The following PCDHGB6 variants were observed in gnomAD, a reference collection of about 807,000 sequenced individuals.
The protein encoded by PCDHGB6 is protocadherin gamma-B6.
Under a neutral mutation model 59.1 loss-of-function variants are expected in PCDHGB6, and 51 were observed. That is an observed-to-expected ratio of 0.86 (90% CI 0.69 to 1.09). The LOEUF (loss-of-function observed/expected upper bound fraction) is 1.09, where lower values mean the gene tolerates loss of function less well. Ranked by LOEUF, PCDHGB6 falls within the 50% of genes least tolerant of loss-of-function variation. The probability of loss-of-function intolerance (pLI) is 0.00; values close to 1 mark genes in which losing one functional copy is unlikely to be tolerated. For missense variants in PCDHGB6, 1,148 were observed against 1,205.1 expected (o/e 0.95, Z 0.70); for synonymous variants, 466 against 495.1 (o/e 0.94, Z 0.78).
Position 141,437,485 on chromosome 5 carries a change from C to T in PCDHGB6, c.2418+26865C>T, listed in dbSNP as rs372023505. The stretch of plus-strand genomic sequence containing the variant: ...TATACTTTTATAGCATATTTAATCT[C>T]GTAGATCACTTTTCAATGAATTATA... On this transcript the variant is annotated intron_variant, in intron 1 of 3. Transcript: ENST00000520790. Among the ~76,000 whole-genome samples, 16 of 152,188 alleles carry T rather than the reference C, an allele frequency of 1.1e-4. No individual in the cohort carries two copies. In the East Asian group the frequency reaches 2.9e-3, roughly 28 times the overall value.
At chr5:141,472,411 C>T (rs747412647) in intron 1 of PCDHGB6, among the ~76,000 whole-genome samples, 9 of 151,918 alleles carry the variant, frequency 5.9e-5, no homozygotes, top group Admixed American at 3.3e-4. Flanking sequence ...CGTGGTGGCA[C>T]GCACCTGTAT....
Position 141,491,622 on chromosome 5 carries a change from C to T in PCDHGB6, c.2419-3185C>T, listed in dbSNP as rs980546113. 15 of 1,613,786 alleles carry T rather than the reference C, an allele frequency of 9.3e-6. No individual in the cohort carries two copies. Among genetic ancestry groups the T allele is most frequent in the Non-Finnish European group, 1.3e-5 (15 of 1,180,002 alleles). Reference sequence around the variant, plus strand: ...ACTTCACTTTTCTAAGACCCCTCAGCGTTCAGCAGCCCACAGCTCTGGCGC... The same window carrying T: ...ACTTCACTTTTCTAAGACCCCTCAGTGTTCAGCAGCCCACAGCTCTGGCGC... On this transcript the variant is annotated intron_variant, in intron 1 of 3. Transcript: ENST00000520790. This position sits in a 1 kb window ranked among gnomAD's most constrained non-coding sequence, Gnocchi z 6.9.
At chr5:141,418,435 A>G (rs1237542659) in intron 1 of PCDHGB6, 1 of 1,614,038 alleles carries the variant, frequency 6.2e-7, no homozygotes, top group South Asian at 1.1e-5. Context: ...GCAAATATCC[A>G]GAATTAGTAT....
At chr5:141,480,982 C>T (rs1258067957) in intron 1 of PCDHGB6, among the ~76,000 whole-genome samples, 1 of 152,150 alleles carries the variant, frequency 6.6e-6, no homozygotes, top group African/African-American at 2.4e-5. Context: ...TCAGTGAACC[C>T]AGGATGTGGA....
chr5:141,471,036 C>A (rs1437409726), intron 1 of PCDHGB6, among the ~76,000 whole-genome samples: 1 of 144,908 alleles, frequency 6.9e-6, no homozygotes, highest in Admixed American at 7.0e-5. Context: ...TATTAACAAG[C>A]CCAAGCCCTC....
Position 141,433,407 on chromosome 5 carries a change from T to C in PCDHGB6, c.2418+22787T>C, listed in dbSNP as rs939103465. Among the ~76,000 whole-genome samples, 537 of 125,956 alleles carry C rather than the reference T, an allele frequency of 4.3e-3. 4 individuals carry two copies. Among genetic ancestry groups the C allele is most frequent in the African/African-American group, 0.016 (523 of 33,156 alleles). The allele number at this position is 125,956 out of a possible 152,430, so 82.6% of individuals were successfully genotyped here. On this transcript the variant is annotated intron_variant, in intron 1 of 3. Coordinates refer to ENST00000520790, the MANE Select transcript of PCDHGB6 (RefSeq NM_018926.3). ...TCTATCTATCTATCTATCTATCTATTACTTTCTTGTACAGACAGGAGTCTC... is the reference window on the plus strand; with the variant it reads ...TCTATCTATCTATCTATCTATCTATCACTTTCTTGTACAGACAGGAGTCTC...
At position 141,408,712 on chromosome 5, in the gene PCDHGB6, T is replaced by G; in HGVS notation, c.510T>G (p.Tyr170Ter). The G allele has an allele frequency of 6.2e-7, 1 of 1,612,332 alleles. No individual in the cohort carries two copies. Among genetic ancestry groups the G allele is most frequent in the Non-Finnish European group, 8.5e-7 (1 of 1,178,930 alleles). The change falls in exon 1 of 4, where the codon TAT (tyrosine) becomes TAG (stop). Residue 170 changes from tyrosine (Y) to a stop codon, truncating the protein, a stop_gained. Coordinates refer to ENST00000520790, the MANE Select transcript of PCDHGB6 (RefSeq NM_018926.3). LOFTEE classifies it high-confidence loss of function. ...TAAACATAAACTCAATTAAAGATTA[T>G]AAGATAAACTCTAATCCTTATTTTT... is the stretch of plus-strand genomic sequence containing the variant. ...PDININSIKD[Y>*]KINSNPYFSL...
chr5:141,461,196 T>C (rs1398352067), intron 1 of PCDHGB6, among the ~76,000 whole-genome samples: 3 of 152,128 alleles, frequency 2.0e-5, no homozygotes. Context: ...TGTTTTTTGC[T>C]CTTTAGAGAA....
intron 1 of PCDHGB6, chr5:141,427,739 C>G: frequency 2.4e-6 from 3 of 1,232,634 alleles, no homozygotes; most frequent in Non-Finnish European, 3.5e-6. Context: ...ATGGCCAAGT[C>G]TCCTACTCCA....
At chr5:141,414,498 C>T (rs2095755127) in intron 1 of PCDHGB6, 1 of 1,613,848 alleles carries the variant, frequency 6.2e-7, no homozygotes, top group African/African-American at 1.3e-5. Flanking sequence ...CGGAAGCTCA[C>T]TTTATGCTAC....
Position 141,436,164 on chromosome 5 carries a change from A to G in PCDHGB6, c.2418+25544A>G, listed in dbSNP as rs896845015. Among the ~76,000 whole-genome samples, 8 of 152,188 alleles carry G rather than the reference A, an allele frequency of 5.3e-5. No homozygotes were observed. The East Asian group carries it at 1.3e-3, about 26-fold the overall frequency. ...AACTACCAAAATGTTTATCATATGG[A>G]CAGTTCTCATATATAGTCAAATAGA... On this transcript the variant is annotated intron_variant, in intron 1 of 3. Transcript: ENST00000520790.
At chr5:141,492,952 C>T (rs1428667098) in intron 1 of PCDHGB6, among the ~76,000 whole-genome samples, 1 of 152,242 alleles carries the variant, frequency 6.6e-6, no homozygotes, top group Non-Finnish European at 1.5e-5. Context: ...GGTGACCAAA[C>T]TATCTGACAC....
chr5:141,430,975 G>A (rs776670383), intron 1 of PCDHGB6: 2 of 1,613,208 alleles, frequency 1.2e-6, no homozygotes, highest in Admixed American at 1.7e-5. Flanking sequence ...GAGGTAGGAC[G>A]CAGCTTTTCG....
chr5:141,458,054 T>G (rs2098935656), intron 1 of PCDHGB6, among the ~76,000 whole-genome samples: 1 of 152,252 alleles, frequency 6.6e-6, no homozygotes, highest in Admixed American at 6.5e-5. Context: ...GGATTCTTGC[T>G]GCACTGATGC....
intron 1 of PCDHGB6, among the ~76,000 whole-genome samples, chr5:141,448,274 T>G (rs2098579713): frequency 6.6e-6 from 1 of 152,196 alleles, no homozygotes; most frequent in South Asian, 2.1e-4. Context: ...TATATACTGT[T>G]GTGCAACTTG....
At chr5:141,500,866 A>C (rs576713520) in intron 2 of PCDHGB6, among the ~76,000 whole-genome samples, 1 of 146,112 alleles carries the variant, frequency 6.8e-6, no homozygotes, top group Non-Finnish European at 1.5e-5. Context: ...AAACATACAC[A>C]TTCATTTACA....
intron 1 of PCDHGB6, among the ~76,000 whole-genome samples, chr5:141,459,111 A>G (rs2098961190): frequency 1.3e-5 from 2 of 152,218 alleles, no homozygotes; most frequent in Non-Finnish European, 2.9e-5. Flanking sequence ...CATTTTGACA[A>G]TTGTTTACAT....
At chr5:141,478,454 A>G (rs766350066) in intron 1 of PCDHGB6, 4 of 1,613,596 alleles carry the variant, frequency 2.5e-6, no homozygotes, top group Non-Finnish European at 3.4e-6. Context: ...TGGTGCAGCC[A>G]GTCCACTGGC....
intron 1 of PCDHGB6, chr5:141,478,768 A>G: frequency 6.7e-7 from 1 of 1,501,046 alleles, no homozygotes; most frequent in African/African-American, 1.4e-5. Context: ...TACTTGACTC[A>G]TCTGTGGACC....
Sources: allele counts gnomAD v4.1 joint callset (sites outside exome capture counted in the v4.1 genomes callset), GRCh38; gene constraint gnomAD v4.1.1; non-coding constraint Gnocchi (gnomAD v3.1); transcripts MANE v1.5; gene names NCBI Gene and HGNC (gene_info 2026-07-23, HGNC 2026-07-21).